The following SPATA6L variants were observed in gnomAD, a reference collection of about 807,000 sequenced individuals.
The protein encoded by SPATA6L is spermatogenesis associated 6-like protein.
A neutral mutation model predicts 49.2 loss-of-function variants in SPATA6L; 68 were observed. That is an observed-to-expected ratio of 1.38 (90% confidence interval 1.14 to 1.69). The LOEUF (loss-of-function observed/expected upper bound fraction) is 1.69. Among genes scored for constraint, SPATA6L ranks in the 40% most tolerant of loss-of-function variants. The probability of loss-of-function intolerance (pLI) is 0.00; values close to 1 mark genes in which losing one functional copy is unlikely to be tolerated. For missense variants in SPATA6L, 668 were observed against 464.3 expected (o/e 1.44, Z -4.03); for synonymous variants, 198 against 165.7 (o/e 1.19, Z -1.50).
chr9:4,591,657 T>G (rs1446660027), intron 13 of SPATA6L, among the ~76,000 whole-genome samples: 2 of 152,306 alleles, frequency 1.3e-5, no homozygotes, highest in African/African-American at 4.8e-5. Flanking sequence ...AAAGAATGTG[T>G]CAACTTCACA....
Position 4,599,803 on chromosome 9 carries a change from T to G in SPATA6L, c.*1008A>C, listed in dbSNP as rs1822784445. Reference sequence around the variant, plus strand: ...GCCCCATTTCCTTAGAGGTTAGGATTTCAACATACAAATGTTGAGGGGACA... The same window carrying G: ...GCCCCATTTCCTTAGAGGTTAGGATGTCAACATACAAATGTTGAGGGGACA... On this transcript the variant is annotated 3_prime_UTR_variant, in exon 12 of 12. Coordinates refer to ENST00000682582, the MANE Select transcript of SPATA6L (RefSeq NM_001353486.2). Among the ~76,000 whole-genome samples, 1 of 152,180 alleles carries G rather than the reference T, an allele frequency of 6.6e-6. No homozygotes were observed. Among genetic ancestry groups the G allele is most frequent in the African/African-American group, 2.4e-5 (1 of 41,446 alleles).
chr9:4,622,297 T>C, intron 7 of SPATA6L, 111 bp downstream of exon 7: 1 of 694,042 alleles, frequency 1.4e-6, no homozygotes, highest in Non-Finnish European at 2.5e-6. Flanking sequence ...TACTTGAGAA[T>C]TAGGCTCACA....
At chr9:4,629,351 G>T (rs1830996271) in intron 4 of SPATA6L, among the ~76,000 whole-genome samples, 183 bp from the exon 5 acceptor site, 1 of 152,110 alleles carries the variant, frequency 6.6e-6, no homozygotes, top group African/African-American at 2.4e-5. Context: ...TTATGTATCA[G>T]AGCCAGGCCT....
At chr9:4,664,677 CT>C (rs1416037594) in intron 1 of SPATA6L, 1 of 167,054 alleles carries the variant, frequency 6.0e-6, no homozygotes, top group Admixed American at 6.5e-5. Flanking sequence ...ATCTTAATGA[CT>C]ATTTTGGCAT....
intron 11 of SPATA6L, among the ~76,000 whole-genome samples, chr9:4,602,826 G>C (rs957282662): frequency 1.3e-5 from 2 of 152,122 alleles, no homozygotes; most frequent in African/African-American, 4.8e-5. Context: ...CTTGAGCAAG[G>C]GACCTAACCT....
At chr9:4,659,714 T>C (rs1043094497) in intron 2 of SPATA6L, among the ~76,000 whole-genome samples, 2 of 152,178 alleles carry the variant, frequency 1.3e-5, no homozygotes, top group South Asian at 4.1e-4. Context: ...AGAGCCCGCA[T>C]TGCCAAGACA....
At position 4,630,556 on chromosome 9, in the gene SPATA6L, T is replaced by A. The variant is rs116218456; in HGVS notation, c.352-1388A>T. Among the ~76,000 whole-genome samples the A allele has an allele frequency of 8.9e-3, 1,350 of 152,284 alleles. 17 individuals are homozygous for A. The highest frequency in any genetic ancestry group is 0.031 in the African/African-American group (1,308 of 41,556). ...GGCATCTTCCTTCTTTTCTTTTCCATCCAAATTTTACCCATCTCTCAATGT... is the reference window on the plus strand; with the variant it reads ...GGCATCTTCCTTCTTTTCTTTTCCAACCAAATTTTACCCATCTCTCAATGT... On this transcript the variant is annotated intron_variant, in intron 4 of 11. Coordinates refer to ENST00000682582, the MANE Select transcript of SPATA6L (RefSeq NM_001353486.2).
chr9:4,644,179 TCTG>T lies in SPATA6L; in HGVS notation c.227-8783_227-8781del, dbSNP rs1359188681. On this transcript the variant is annotated intron_variant, in intron 3 of 11. Transcript: ENST00000682582. ...CTAGGCAACATAGTAAGATGCCATC[TCTG>T]CAAAAAAAAAAAAAAAAAAAAAAAA... Among the ~76,000 whole-genome samples the T allele has an allele frequency of 8.4e-5, 7 of 83,088 alleles. No homozygotes were observed. In the South Asian group the frequency reaches 3.2e-3, roughly 39 times the overall value. The allele number at this position is 83,088 out of a possible 152,430, so 54.5% of individuals were successfully genotyped here.
chr9:4,590,025 G>A (rs1340006840), intron 13 of SPATA6L, among the ~76,000 whole-genome samples: 2 of 152,202 alleles, frequency 1.3e-5, no homozygotes, highest in African/African-American at 4.8e-5. Context: ...CTAGGTTCAA[G>A]TGATTCTCCC....
intron 3 of SPATA6L, among the ~76,000 whole-genome samples, chr9:4,654,095 C>A (rs1303501411): frequency 6.6e-6 from 1 of 152,116 alleles, no homozygotes; most frequent in Non-Finnish European, 1.5e-5. Context: ...AAAACAATGA[C>A]GAGATACCAC....
chr9:4,633,987 T>C (rs983582811), intron 4 of SPATA6L, among the ~76,000 whole-genome samples: 3 of 152,228 alleles, frequency 2.0e-5, no homozygotes, highest in Non-Finnish European at 4.4e-5. Context: ...CTTTCTCTAA[T>C]GACTAACTGC....
At chr9:4,666,190 G>T (rs767142132) in intron 1 of SPATA6L, 22 bp downstream of exon 1, 2 of 1,613,528 alleles carry the variant, frequency 1.2e-6, no homozygotes, top group Non-Finnish European at 1.7e-6. Flanking sequence ...GGTTAAGGAG[G>T]GGGAGTTCAT....
chr9:4,619,939 A>C (rs1020383663), intron 7 of SPATA6L, among the ~76,000 whole-genome samples: 3 of 152,204 alleles, frequency 2.0e-5, no homozygotes, highest in Non-Finnish European at 4.4e-5. Context: ...AGGCAATTCT[A>C]AGGTCAGCAT....
chr9:4,613,991 G>A (rs903624217), intron 9 of SPATA6L, among the ~76,000 whole-genome samples: 5 of 152,122 alleles, frequency 3.3e-5, no homozygotes, highest in South Asian at 2.1e-4. Flanking sequence ...TTTTTCATAG[G>A]TCTAGAGTAA....
At position 4,662,231 on chromosome 9, in the gene SPATA6L, C is replaced by A; in HGVS notation, c.40-195G>T. On this transcript the variant is annotated intron_variant, in intron 1 of 11. Coordinates refer to ENST00000682582, the MANE Select transcript of SPATA6L (RefSeq NM_001353486.2). This position sits in a 1 kb window ranked among gnomAD's most constrained non-coding sequence, Gnocchi z 4.9. ...CATTGGAAATTCCAACTCCCTCCCA[C>A]GTCTCCACCAGGTGTCACAATCGCG... is the stretch of plus-strand genomic sequence containing the variant. 4 of 1,434,302 alleles carry A rather than the reference C, an allele frequency of 2.8e-6. No individual in the cohort carries two copies. The highest frequency in any genetic ancestry group is 3.6e-6 in the Non-Finnish European group (4 of 1,099,326). 88.8% of individuals were successfully genotyped at this position (1,434,302 alleles called of 1,614,324 possible).
intron 3 of SPATA6L, among the ~76,000 whole-genome samples, chr9:4,638,367 C>G (rs1344954235): frequency 6.6e-6 from 1 of 152,034 alleles, no homozygotes; most frequent in Non-Finnish European, 1.5e-5. Flanking sequence ...ACCCCGCCAC[C>G]AAGCCTGGCT....
rs927918040 is a variant in SPATA6L at position 4,599,985 on chromosome 9, T to C, written c.*826A>G. 7.2e-5 allele frequency among the ~76,000 whole-genome samples: 11 copies of C among 152,212 alleles called. No homozygotes were observed. The highest frequency in any genetic ancestry group is 2.7e-4 in the African/African-American group (11 of 41,454). On this transcript the variant is annotated 3_prime_UTR_variant, in exon 12 of 12. Transcript: ENST00000682582. ...CTCCCTTTATCCCAGCCCCTTCCTA[T>C]TCCTGCTCCCTCACACTGTGTAAGC... is the stretch of plus-strand genomic sequence containing the variant.
intron 9 of SPATA6L, among the ~76,000 whole-genome samples, chr9:4,616,276 CG>C (rs1827972844): frequency 6.6e-6 from 1 of 150,838 alleles, no homozygotes; most frequent in African/African-American, 2.5e-5. Flanking sequence ...GACCCCATCT[CG>C]AAAAAAAATA....
chr9:4,662,908 T>C lies in SPATA6L; in HGVS notation c.40-872A>G. On this transcript the variant is annotated intron_variant, in intron 1 of 11. Transcript: ENST00000682582. This position sits in a 1 kb window ranked among gnomAD's most constrained non-coding sequence, Gnocchi z 4.9. ...CTCTTCGCCCTGCTGTTGGACCTGCTGCTGGTGGCCTTGATCAAAGGGCTG... is the reference window on the plus strand; with the variant it reads ...CTCTTCGCCCTGCTGTTGGACCTGCCGCTGGTGGCCTTGATCAAAGGGCTG... 1 of 1,609,370 alleles carries C rather than the reference T, an allele frequency of 6.2e-7. No homozygotes were observed. Among genetic ancestry groups the C allele is most frequent in the South Asian group, 1.1e-5 (1 of 91,056 alleles).
Sources: gnomAD v4.1 joint callset for allele counts (sites outside exome capture counted in the v4.1 genomes callset) on GRCh38, gnomAD v4.1.1 for gene constraint, Gnocchi (gnomAD v3.1) non-coding constraint, MANE v1.5 for transcripts, NCBI Gene and HGNC (gene_info 2026-07-23, HGNC 2026-07-21) for gene names.